Variants in RP1 observed in about 807,000 individuals in gnomAD.
RP1 encodes the protein RP1 axonemal microtubule associated, also known as oxygen-regulated protein 1.
RP1 carries 16 observed loss-of-function variants against 14.8 expected under a neutral mutation model. The ratio of observed to expected loss-of-function variants is 1.08; its 90% CI spans 0.73 to 1.65. RP1 has a LOEUF of 1.65. Ranked by LOEUF, RP1 falls within the 40% of genes most tolerant of loss-of-function variation. The pLI is 0.00. For synonymous variants in RP1, 876 were observed against 883.6 expected (o/e 0.99, Z 0.15); for missense variants, 2,631 against 2,535.0 (o/e 1.04, Z -0.81).
intron 1 of RP1, among the ~76,000 whole-genome samples, chr8:54,607,591 G>A (rs1304531146): frequency 6.6e-6 from 1 of 152,198 alleles, no homozygotes; most frequent in Non-Finnish European, 1.5e-5. Context: ...GGACATTTAA[G>A]TCTGCATAGG....
intron 1 of RP1, among the ~76,000 whole-genome samples, chr8:54,598,715 C>G (rs1004380000): frequency 1.3e-5 from 2 of 152,158 alleles, no homozygotes; most frequent in African/African-American, 4.8e-5. Flanking sequence ...CTGCATTCCT[C>G]AAGGATATTT....
At chr8:54,723,253 CT>C (rs1808575267) in intron 16 of RP1, among the ~76,000 whole-genome samples, 1 of 152,160 alleles carries the variant, frequency 6.6e-6, no homozygotes, top group South Asian at 2.1e-4. Context: ...CAAGTATTTG[CT>C]GTTATGATTA....
intron 24 of RP1, among the ~76,000 whole-genome samples, chr8:54,787,548 A>G (rs1403092740): frequency 1.3e-5 from 2 of 152,204 alleles, no homozygotes; most frequent in African/African-American, 4.8e-5. Flanking sequence ...TTATTTACTT[A>G]TAAACCTGCC....
chr8:54,760,783 G>A (rs916790580), intron 22 of RP1, among the ~76,000 whole-genome samples: 6 of 152,220 alleles, frequency 3.9e-5, no homozygotes, highest in African/African-American at 9.6e-5. Flanking sequence ...ACCTTTCCTT[G>A]CTCTCTTCTC....
chr8:54,725,679 T>G (rs889823388), intron 16 of RP1, among the ~76,000 whole-genome samples: 9 of 152,202 alleles, frequency 5.9e-5, no homozygotes, highest in African/African-American at 1.2e-4. Flanking sequence ...TGATGAGAAC[T>G]CTAAAGCCAT....
At chr8:54,567,551 T>C (rs1239839041) in intron 1 of RP1, among the ~76,000 whole-genome samples, 1 of 152,158 alleles carries the variant, frequency 6.6e-6, no homozygotes, top group Non-Finnish European at 1.5e-5. Context: ...CTACTGGTTT[T>C]GAGGTCATTA....
At chr8:54,587,828 G>A (rs192529465) in intron 1 of RP1, among the ~76,000 whole-genome samples, 97 of 152,194 alleles carry the variant, frequency 6.4e-4, no homozygotes, top group Admixed American at 2.0e-3. Context: ...ATTTCTTTCA[G>A]TATTTTATAA....
At chr8:54,655,154 C>T (rs1330246574) in intron 5 of RP1, among the ~76,000 whole-genome samples, 1 of 152,128 alleles carries the variant, frequency 6.6e-6, no homozygotes, top group Non-Finnish European at 1.5e-5. Context: ...CATTACAGAA[C>T]ACATCTGAAT....
At chr8:54,596,602 T>A (rs1025419213) in intron 1 of RP1, among the ~76,000 whole-genome samples, 1 of 152,198 alleles carries the variant, frequency 6.6e-6, no homozygotes, top group African/African-American at 2.4e-5. Context: ...TTTTGACACA[T>A]GTTGTCTGTT....
At chr8:54,602,109 A>G (rs1805305862) in intron 1 of RP1, among the ~76,000 whole-genome samples, 1 of 152,206 alleles carries the variant, frequency 6.6e-6, no homozygotes. Context: ...ATATGTATAC[A>G]TGTGCCATGT....
intron 27 of RP1, among the ~76,000 whole-genome samples, chr8:54,863,044 G>GAC (rs766616305): frequency 2.9e-5 from 3 of 101,834 alleles, no homozygotes; most frequent in African/African-American, 1.1e-4. Flanking sequence ...ATTCCAAATG[G>GAC]ATATATATAT....
At chr8:54,770,521 A>C (rs1809875606), downstream of RP1, among the ~76,000 whole-genome samples, 2 of 150,848 alleles carry the variant, frequency 1.3e-5, no homozygotes, top group African/African-American at 4.8e-5. Flanking sequence ...TATATTTAAA[A>C]GTGTGGTTAC....
At chr8:54,722,964 G>T (rs778747799) in intron 16 of RP1, among the ~76,000 whole-genome samples, 33 of 152,252 alleles carry the variant, frequency 2.2e-4, no homozygotes, top group African/African-American at 7.5e-4. Context: ...TCATTGACAG[G>T]TTCCACCCAC....
intron 19 of RP1, among the ~76,000 whole-genome samples, chr8:54,743,840 C>T (rs1223830853): frequency 6.6e-6 from 1 of 152,182 alleles, no homozygotes; most frequent in Non-Finnish European, 1.5e-5. Flanking sequence ...AATGCCCATT[C>T]ACCTCAGCCC....
intron 24 of RP1, among the ~76,000 whole-genome samples, chr8:54,821,337 A>G (rs1811251505): frequency 6.6e-6 from 1 of 152,212 alleles, no homozygotes; most frequent in Non-Finnish European, 1.5e-5. Flanking sequence ...AGCTTTTTGG[A>G]AAGCTAAGGA....
intron 21 of RP1, among the ~76,000 whole-genome samples, chr8:54,757,277 A>G (rs1018424146): frequency 2.6e-5 from 4 of 152,224 alleles, no homozygotes; most frequent in Middle Eastern, 3.2e-3. Context: ...CGATAATAAA[A>G]CATAGCAATA....
At chr8:54,670,588 T>TATATAC (rs1807146707) in intron 7 of RP1, among the ~76,000 whole-genome samples, 1 of 141,662 alleles carries the variant, frequency 7.1e-6, no homozygotes, top group Admixed American at 7.3e-5. Context: ...TATATGTATA[T>TATATAC]ATATACATAT....
chr8:54,781,517 T>G (rs988644200), intron 23 of RP1, among the ~76,000 whole-genome samples: 2 of 152,162 alleles, frequency 1.3e-5, no homozygotes, highest in African/African-American at 4.8e-5. Flanking sequence ...TACTTGTAAT[T>G]TTGGCACACA....
chr8:54,860,175 A>G (rs1219050820), intron 27 of RP1, among the ~76,000 whole-genome samples: 1 of 152,196 alleles, frequency 6.6e-6, no homozygotes, highest in Non-Finnish European at 1.5e-5. Flanking sequence ...AATGAAAGGG[A>G]CATTGTGATT....
Sources: gnomAD v4.1 joint callset for allele counts (sites outside exome capture counted in the v4.1 genomes callset) on GRCh38, gnomAD v4.1.1 for gene constraint, MANE v1.5 for transcripts, NCBI Gene and HGNC (gene_info 2026-07-23, HGNC 2026-07-21) for gene names.